Variants in CCDC141 observed in about 807,000 individuals in gnomAD.
The protein encoded by CCDC141 is coiled-coil domain containing 141.
CCDC141 carries 168 observed loss-of-function variants against 181.0 expected under a neutral mutation model. That is an observed-to-expected ratio of 0.93 (90% CI 0.82 to 1.05). CCDC141 has a LOEUF of 1.05. CCDC141 is among the 50% of genes least tolerant of loss of function. The pLI is 0.00. For synonymous variants in CCDC141, 666 were observed against 642.3 expected (o/e 1.04, Z -0.56); for missense variants, 1,902 against 1,788.5 (o/e 1.06, Z -1.14).
intron 4 of CCDC141, among the ~76,000 whole-genome samples, chr2:178,969,911 T>A (rs370630860): frequency 2.5e-4 from 38 of 152,254 alleles, no homozygotes; most frequent in Non-Finnish European, 4.3e-4. Context: ...TAAGCTGATA[T>A]GCAACTTCAG....
At position 178,836,946 on chromosome 2, in the gene CCDC141, G is replaced by C. The variant is rs1460594151; in HGVS notation, c.4273C>G (p.Pro1425Ala). 3 of 1,613,770 alleles carry C rather than the reference G, an allele frequency of 1.9e-6. No individual in the cohort carries two copies. The highest frequency in any genetic ancestry group is 2.5e-6 in the Non-Finnish European group (3 of 1,179,956). The change falls in exon 23 of 24, where the codon CCA becomes GCA. Residue 1425 changes from proline (P) to alanine (A), a missense_variant. Coordinates refer to ENST00000443758, the MANE Select transcript of CCDC141 (RefSeq NM_173648.4). ...GTTACTTCAACTTCCAAAGTCACTG[G>C]AGAACCTTCCATGACAGTTACATTA... The part of the protein sequence containing the change: ...LSNVTVMEGS[P>A]VTLEVEVTGF...
intron 6 of CCDC141, among the ~76,000 whole-genome samples, chr2:178,923,016 T>C (rs1228537198): frequency 6.6e-6 from 1 of 152,228 alleles, no homozygotes; most frequent in Non-Finnish European, 1.5e-5. Flanking sequence ...CTATAGGCAG[T>C]TTCTGATGCA....
chr2:178,954,263 C>T (rs1055141950), intron 5 of CCDC141, among the ~76,000 whole-genome samples: 1 of 152,222 alleles, frequency 6.6e-6, no homozygotes, highest in Non-Finnish European at 1.5e-5. Context: ...GCACGAAATA[C>T]TTCAAGCTGC....
chr2:178,933,442 G>A (rs756005809), intron 6 of CCDC141, among the ~76,000 whole-genome samples: 1 of 152,144 alleles, frequency 6.6e-6, no homozygotes, highest in Non-Finnish European at 1.5e-5. Flanking sequence ...TGTGATGGGT[G>A]GATTTGAGAT....
intron 2 of CCDC141, among the ~76,000 whole-genome samples, chr2:179,019,912 A>G (rs1036085420): frequency 6.6e-6 from 1 of 151,956 alleles, no homozygotes; most frequent in Non-Finnish European, 1.5e-5. Context: ...GACTACAGGC[A>G]TGCATCACCA....
chr2:178,910,575 T>C (rs1415094939), intron 7 of CCDC141, among the ~76,000 whole-genome samples: 1 of 152,228 alleles, frequency 6.6e-6, no homozygotes, highest in Non-Finnish European at 1.5e-5. Context: ...ACACATCACC[T>C]GAGAGAACTT....
intron 2 of CCDC141, among the ~76,000 whole-genome samples, chr2:178,999,609 G>GC (rs145407319): frequency 0.012 from 1,840 of 152,224 alleles, 8 homozygotes; most frequent in Non-Finnish European, 0.017. Flanking sequence ...GATCCTCAGT[G>GC]CTTGATTCTT....
chr2:178,946,054 T>C (rs1210760700), intron 5 of CCDC141, among the ~76,000 whole-genome samples: 1 of 152,228 alleles, frequency 6.6e-6, no homozygotes, highest in East Asian at 1.9e-4. Flanking sequence ...AATGTCTTTG[T>C]TAACCAGCAT....
At chr2:178,824,727 A>G in the CCDC141 span, among the ~76,000 whole-genome samples, 1 of 150,854 alleles carries the variant, frequency 6.6e-6, no homozygotes, top group East Asian at 2.0e-4. Flanking sequence ...AACCTGGGCC[A>G]TCTTTCATGG....
intron 2 of CCDC141, among the ~76,000 whole-genome samples, chr2:179,040,616 T>C (rs2043270926): frequency 6.6e-6 from 1 of 152,200 alleles, no homozygotes; most frequent in Admixed American, 6.5e-5. Context: ...CTCCCCCTTA[T>C]AAGTGAGAAC....
the CCDC141 span, among the ~76,000 whole-genome samples, chr2:178,824,233 T>A: frequency 6.6e-6 from 1 of 152,212 alleles, no homozygotes; most frequent in African/African-American, 2.4e-5. Context: ...GCTTTTCTAA[T>A]TCTGAGATTC....
intron 5 of CCDC141, among the ~76,000 whole-genome samples, chr2:178,952,353 C>T (rs1385533123): frequency 6.6e-6 from 1 of 152,182 alleles, no homozygotes; most frequent in East Asian, 1.9e-4. Context: ...CCAAGCTGTG[C>T]TCAAAGCATT....
At chr2:179,001,187 T>C (rs575045585) in intron 2 of CCDC141, among the ~76,000 whole-genome samples, 6 of 152,192 alleles carry the variant, frequency 3.9e-5, no homozygotes, top group Non-Finnish European at 8.8e-5. Flanking sequence ...AGTGTAAGCA[T>C]TGAAATTTGG....
chr2:178,930,029 T>C (rs1229979875), intron 6 of CCDC141, among the ~76,000 whole-genome samples: 1 of 152,080 alleles, frequency 6.6e-6, no homozygotes, highest in Non-Finnish European at 1.5e-5. Flanking sequence ...AGGGGAAACT[T>C]GCAGATGATA....
In CCDC141 at chr2:178,839,607, A is replaced by AAAAAG. The variant is rs1561624006; in HGVS notation, c.3475-1864_3475-1863insCTTTT. On this transcript the variant is annotated intron_variant, in intron 22 of 23. Coordinates refer to ENST00000443758, the MANE Select transcript of CCDC141 (RefSeq NM_173648.4). ...AAAAAAAAAAAAAAAAAAAAAAAAA[A>AAAAAG]TGTGTTTTCAGGTTGAAGAGTCGAA... is the stretch of plus-strand genomic sequence containing the variant. Among the ~76,000 whole-genome samples, 207 of 139,922 alleles carry AAAAAG rather than the reference A, an allele frequency of 1.5e-3. 2 individuals are homozygous for AAAAAG. Among genetic ancestry groups the AAAAAG allele is most frequent in the Non-Finnish European group, 1.9e-3 (123 of 63,926 alleles). 91.8% of individuals were successfully genotyped at this position (139,922 alleles called of 152,430 possible). A position where few individuals can be genotyped will look rare whatever the true frequency, so the allele number is the denominator to read the frequency against.
chr2:178,946,986 T>C (rs1689758923), intron 5 of CCDC141, among the ~76,000 whole-genome samples: 1 of 152,174 alleles, frequency 6.6e-6, no homozygotes, highest in African/African-American at 2.4e-5. Flanking sequence ...CAGAAGTAAG[T>C]AGATCATCAG....
chr2:178,932,569 T>C (rs149509864), intron 6 of CCDC141, among the ~76,000 whole-genome samples: 114 of 152,254 alleles, frequency 7.5e-4, no homozygotes, highest in African/African-American at 2.2e-3. Context: ...TGGAAAAAAA[T>C]CATTGAAAAA....
intron 4 of CCDC141, among the ~76,000 whole-genome samples, chr2:178,970,015 T>A (rs2154379865): frequency 6.6e-6 from 1 of 152,230 alleles, no homozygotes; most frequent in South Asian, 2.1e-4. Context: ...TGAACTCCCA[T>A]TCACAACTGC....
intron 6 of CCDC141, among the ~76,000 whole-genome samples, chr2:178,941,899 G>A (rs957584421): frequency 7.6e-6 from 1 of 131,972 alleles, no homozygotes; most frequent in South Asian, 2.7e-4. Flanking sequence ...TTTCGAGGCT[G>A]CGGTGAGTAT....
Sources: allele counts gnomAD v4.1 joint callset (sites outside exome capture counted in the v4.1 genomes callset), GRCh38; gene constraint gnomAD v4.1.1; transcripts MANE v1.5; gene names NCBI Gene and HGNC (gene_info 2026-07-23, HGNC 2026-07-21).